Variants in NRXN1 observed in about 807,000 individuals in gnomAD.
The protein encoded by NRXN1 is neurexin 1.
NRXN1 carries 39 observed loss-of-function variants against 150.9 expected under a neutral mutation model. The observed-to-expected ratio is 0.26, with a 90% CI of 0.20 to 0.34. The LOEUF is 0.34. Ranked by LOEUF, NRXN1 falls within the 10% of genes least tolerant of loss-of-function variation. The pLI is 1.00. For missense variants in NRXN1, 1,815 were observed against 1,949.9 expected (o/e 0.93, Z 1.30); for synonymous variants, 924 against 757.0 (o/e 1.22, Z -3.62).
chr2:50,450,210 A>G (rs9309182), intron 17 of NRXN1, among the ~76,000 whole-genome samples: 35,702 of 151,962 alleles, frequency 0.23, 4,815 homozygotes, highest in East Asian at 0.4. Flanking sequence ...TGTCTTCCCA[A>G]TTAAGGTCCA....
rs116370567 is a variant in NRXN1 at position 50,317,717 on chromosome 2, A to G, written c.3365-80747T>C. Among the ~76,000 whole-genome samples, 1,441 of 152,190 alleles carry G rather than the reference A, an allele frequency of 9.5e-3. 20 individuals are homozygous for G. The highest frequency in any genetic ancestry group is 0.033 in the African/African-American group (1,353 of 41,562). On this transcript the variant is annotated intron_variant, in intron 17 of 22. Transcript: ENST00000401669. The stretch of plus-strand genomic sequence containing the variant: ...GGCAAACATCTCAGTAAATCTAAAG[A>G]AAGCCTTACTTTGTAAAAATATTAA...
chr2:50,321,762 T>C (rs191104523), intron 17 of NRXN1, among the ~76,000 whole-genome samples: 14 of 152,226 alleles, frequency 9.2e-5, no homozygotes, highest in Admixed American at 7.9e-4. Context: ...TTCTACAATA[T>C]TGTATAATAT....
chr2:50,033,263 T>C (rs1299429798), intron 21 of NRXN1, among the ~76,000 whole-genome samples: 1 of 151,958 alleles, frequency 6.6e-6, no homozygotes, highest in Non-Finnish European at 1.5e-5. Flanking sequence ...ACCATGGTAC[T>C]GGTACAAAAA....
chr2:50,596,258 A>G (rs1421557766), intron 8 of NRXN1, among the ~76,000 whole-genome samples: 2 of 152,148 alleles, frequency 1.3e-5, no homozygotes, highest in Non-Finnish European at 2.9e-5. Flanking sequence ...ATTTTTTTCA[A>G]AGATGCTTCC....
chr2:50,913,581 T>G (rs895046607), intron 5 of NRXN1, among the ~76,000 whole-genome samples: 2 of 151,812 alleles, frequency 1.3e-5, no homozygotes, highest in Non-Finnish European at 2.9e-5. Flanking sequence ...TATACCTGGG[T>G]TATGCAATAA....
At chr2:50,922,966 C>A (rs906100363) in intron 3 of NRXN1, among the ~76,000 whole-genome samples, 1 of 151,846 alleles carries the variant, frequency 6.6e-6, no homozygotes, top group African/African-American at 2.4e-5. Context: ...GACTTAAAAT[C>A]CAACCAAACC....
chr2:50,759,826 C>CTCTGTG (rs1048268226), intron 5 of NRXN1, among the ~76,000 whole-genome samples: 1 of 142,312 alleles, frequency 7.0e-6, no homozygotes, highest in African/African-American at 2.6e-5. Context: ...TCTAACTAAG[C>CTCTGTG]TGTGTGTGTG....
intron 5 of NRXN1, among the ~76,000 whole-genome samples, chr2:50,886,519 A>G (rs1680271295): frequency 6.6e-6 from 1 of 151,486 alleles, no homozygotes; most frequent in African/African-American, 2.4e-5. Context: ...AGACAATCTC[A>G]TAAGATTTGA....
At chr2:50,931,224 C>T (rs928516170) in intron 2 of NRXN1, among the ~76,000 whole-genome samples, 5 of 152,050 alleles carry the variant, frequency 3.3e-5, no homozygotes, top group African/African-American at 1.2e-4. Context: ...AAATTTTTTT[C>T]ACCATTTTTT....
At chr2:50,763,839 A>T (rs1023673758) in intron 5 of NRXN1, among the ~76,000 whole-genome samples, 25 of 151,916 alleles carry the variant, frequency 1.6e-4, no homozygotes, top group Non-Finnish European at 3.1e-4. Context: ...TTTGCCATAA[A>T]AAATAAAGGG....
In NRXN1 at chr2:51,027,808, C is replaced by A; in HGVS notation, c.466G>T (p.Gly156Trp). ...GCGCGCAGTTCCGGGGGCAGCCCCC[C>A]GACGAAAAGGCCGCTGAACACCGTC... is the stretch of plus-strand genomic sequence containing the variant. ...DMTVFSGLFV[G>W]GLPPELRAAA... Residue 156 changes from glycine to tryptophan, a missense_variant, in exon 2 of 23, where the codon GGG (glycine) becomes TGG (tryptophan). By Grantham distance (184) the Gly-to-Trp change is radical. Around this residue, in one of 6 missense-constraint regions of NRXN1, gnomAD observed 554 missense variants for 478.8 expected, o/e 1.16. Coordinates refer to ENST00000401669, the MANE Select transcript of NRXN1 (RefSeq NM_001330078.2). 1 of 1,613,194 alleles carries A rather than the reference C, an allele frequency of 6.2e-7. No homozygotes were observed. The highest frequency in any genetic ancestry group is 8.5e-7 in the Non-Finnish European group (1 of 1,179,664).
At chr2:50,423,848 T>C (rs531200380) in intron 17 of NRXN1, among the ~76,000 whole-genome samples, 129 of 152,172 alleles carry the variant, frequency 8.5e-4, no homozygotes, top group Middle Eastern at 3.4e-3. Flanking sequence ...AGCAAAGATC[T>C]AAATATGAGA....
chr2:50,989,471 C>T (rs1316658032), intron 2 of NRXN1, among the ~76,000 whole-genome samples: 1 of 151,892 alleles, frequency 6.6e-6, no homozygotes, highest in African/African-American at 2.4e-5. Flanking sequence ...CCCCTACAAC[C>T]CAGGCATTTA....
chr2:50,203,444 G>T (rs1272176277), intron 18 of NRXN1, among the ~76,000 whole-genome samples: 1 of 152,140 alleles, frequency 6.6e-6, no homozygotes, highest in Non-Finnish European at 1.5e-5. Context: ...TGAAAGATTT[G>T]AAATGTTGGA....
chr2:50,606,075 C>A (rs1473619565), intron 8 of NRXN1, among the ~76,000 whole-genome samples: 1 of 151,644 alleles, frequency 6.6e-6, no homozygotes, highest in Non-Finnish European at 1.5e-5. Context: ...ATGGTGAAAC[C>A]CCATCTCTAC....
intron 17 of NRXN1, among the ~76,000 whole-genome samples, chr2:50,376,272 G>T (rs543456125): frequency 2.7e-5 from 4 of 150,800 alleles, no homozygotes; most frequent in Non-Finnish European, 5.9e-5. Context: ...CAATTTTTAT[G>T]AAAACATAAA....
Position 50,552,843 on chromosome 2 carries a change from A to T in NRXN1, c.1503T>A (p.Thr501=). 6.2e-7 allele frequency: 1 copy of T among 1,613,944 alleles called. No homozygotes were observed. Among genetic ancestry groups the T allele is most frequent in the Non-Finnish European group, 8.5e-7 (1 of 1,179,852 alleles). ...TACGGAAATCAAATGATATGGAGCC[A>T]GTTTTCTTTGCATTCCATTTAGGCA... The part of the protein sequence containing the change: ...ISLPKWNAKK[T]GSISFDFRTT... The change falls in exon 9 of 23, where the codon ACT becomes ACA. Residue 501 remains threonine (T), a synonymous_variant. Transcript: ENST00000401669.
intron 8 of NRXN1, among the ~76,000 whole-genome samples, chr2:50,591,821 C>T (rs547387675): frequency 3.9e-5 from 6 of 152,298 alleles, no homozygotes; most frequent in East Asian, 1.9e-4. Context: ...ACAAGTTAGG[C>T]GCCCTTCAGC....
chr2:49,981,370 A>C (rs1000769223), intron 21 of NRXN1, among the ~76,000 whole-genome samples: 1 of 152,084 alleles, frequency 6.6e-6, no homozygotes, highest in African/African-American at 2.4e-5. Context: ...AATTAAGGAA[A>C]ATTGGAAAAA....
Sources: allele counts gnomAD v4.1 joint callset (sites outside exome capture counted in the v4.1 genomes callset), GRCh38; gene constraint gnomAD v4.1.1; regional missense constraint gnomAD v4.1.1; transcripts MANE v1.5; gene names NCBI Gene and HGNC (gene_info 2026-07-23, HGNC 2026-07-21).